The following TRPC5 variants were observed in gnomAD, a reference collection of about 807,000 sequenced individuals.
TRPC5 encodes transient receptor potential cation channel subfamily C member 5, also known as short transient receptor potential channel 5.
TRPC5 carries 9 observed loss-of-function variants against 56.5 expected under a neutral mutation model. The observed-to-expected ratio is 0.16, with a 90% confidence interval of 0.10 to 0.28. The LOEUF (loss-of-function observed/expected upper bound fraction) is 0.28, where lower values mean the gene tolerates loss of function less well. Among genes scored for constraint, TRPC5 ranks in the 10% least tolerant of loss-of-function variants. TRPC5 has a pLI of 1.00. For missense variants in TRPC5, 469 were observed against 748.9 expected, an observed-to-expected ratio of 0.63 and a Z score of 4.36; for synonymous variants, 282 against 278.5, an observed-to-expected ratio of 1.01 and a Z score of -0.13.
intron 6 of TRPC5, among the ~76,000 whole-genome samples, chrX:111,842,371 C>G (rs999914754): frequency 2.7e-5 from 3 of 109,259 alleles, no homozygotes; most frequent in African/African-American, 1.0e-4. Flanking sequence ...CTCCTGACCT[C>G]AAGTGATCTG....
chrX:111,899,924 A>C (rs1268917053), intron 3 of TRPC5, among the ~76,000 whole-genome samples: 1 of 111,198 alleles, frequency 9.0e-6, no homozygotes, highest in East Asian at 2.8e-4. Context: ...AATTGCCTCC[A>C]ACAAAATCGT....
chrX:111,788,333 T>C (rs1186605468), intron 7 of TRPC5, among the ~76,000 whole-genome samples: 5 of 111,847 alleles, frequency 4.5e-5, no homozygotes, highest in South Asian at 3.7e-4. Flanking sequence ...TCTCAATAGA[T>C]GCAGAAAAGG....
chrX:111,866,461 GT>G (rs1235243849), intron 3 of TRPC5, among the ~76,000 whole-genome samples: 1 of 113,057 alleles, frequency 8.8e-6, no homozygotes, highest in Non-Finnish European at 1.9e-5. Flanking sequence ...CCTCACTGCA[GT>G]TGTTGATTGT....
chrX:112,023,759 C>T (rs769558400), intron 1 of TRPC5, among the ~76,000 whole-genome samples: 5 of 111,608 alleles, frequency 4.5e-5, no homozygotes, highest in Non-Finnish European at 7.5e-5. Context: ...TATAATCTGC[C>T]TCCATTTACA....
In TRPC5 at chrX:111,774,694, A is replaced by G. The variant is rs1945864472; in HGVS notation, c.*1619T>C. The G allele has an allele frequency of 9.0e-6, 1 of 111,327 alleles. No homozygotes were observed. Among genetic ancestry groups the G allele is most frequent in the African/African-American group, 3.3e-5 (1 of 30,616 alleles). The allele number at this position is 111,327 out of a possible 1,213,427, so 9.2% of individuals were successfully genotyped here. On this transcript the variant is annotated 3_prime_UTR_variant, in exon 11 of 11. Coordinates refer to ENST00000262839, the MANE Select transcript of TRPC5 (RefSeq NM_012471.3). The stretch of plus-strand genomic sequence containing the variant: ...AGATGGGAATCCATTCAAATAACAG[A>G]AACCACACTTATCAAAAGCTAGTTT...
intron 2 of TRPC5, among the ~76,000 whole-genome samples, chrX:111,928,540 T>A (rs1926321698): frequency 8.9e-6 from 1 of 112,137 alleles, no homozygotes; most frequent in Non-Finnish European, 1.9e-5. Flanking sequence ...GGCAGCTGCA[T>A]TGTCAATAGT....
At chrX:111,934,753 A>C (rs1926518233) in intron 2 of TRPC5, among the ~76,000 whole-genome samples, 1 of 111,812 alleles carries the variant, frequency 8.9e-6, no homozygotes, top group South Asian at 3.7e-4. Context: ...AATTCACTTA[A>C]CATAATGTCC....
intron 1 of TRPC5, among the ~76,000 whole-genome samples, chrX:112,018,063 T>G: frequency 8.9e-6 from 1 of 112,813 alleles, no homozygotes; most frequent in Non-Finnish European, 1.9e-5. Flanking sequence ...TACATTGAAA[T>G]AATTTCACTT....
chrX:111,781,368 T>C (rs974968261), intron 8 of TRPC5, among the ~76,000 whole-genome samples, 162 bp from the exon 9 acceptor site: 3 of 111,949 alleles, frequency 2.7e-5, no homozygotes, highest in Non-Finnish European at 3.8e-5. Context: ...AATGATTTTA[T>C]GATGTTTAAA....
chrX:112,030,905 A>G (rs751306509), intron 1 of TRPC5, among the ~76,000 whole-genome samples: 10 of 111,228 alleles, frequency 9.0e-5, no homozygotes, highest in African/African-American at 2.9e-4. Context: ...TTTTATATCT[A>G]TCTCACTTAA....
rs1922115463 is a variant in TRPC5 at position 111,824,130 on chromosome X, C to G, written c.1896+10791G>C. ...CCTGTGGTCCCAGCTACTCGGAAAG[C>G]TGAGGCTGGAGGATTACATGAGATG... On this transcript the variant is annotated intron_variant, in intron 7 of 10. Coordinates refer to ENST00000262839, the MANE Select transcript of TRPC5 (RefSeq NM_012471.3). Among the ~76,000 whole-genome samples, 5 of 108,053 alleles carry G rather than the reference C, an allele frequency of 4.6e-5. No individual in the cohort carries two copies. The South Asian group carries it at 2.1e-3, about 45-fold the overall frequency. The allele number at this position is 108,053 out of a possible 115,157, so 93.8% of individuals were successfully genotyped here.
chrX:111,818,682 C>A (rs1179548274), intron 7 of TRPC5, among the ~76,000 whole-genome samples: 1 of 105,975 alleles, frequency 9.4e-6, no homozygotes, highest in Non-Finnish European at 1.9e-5. Flanking sequence ...TGGCTCACTG[C>A]AACCTCCGCC....
chrX:112,025,628 C>T (rs1202004103), intron 1 of TRPC5, among the ~76,000 whole-genome samples: 3 of 111,389 alleles, frequency 2.7e-5, no homozygotes, highest in African/African-American at 6.5e-5. Flanking sequence ...TCACAAATTC[C>T]GCATCTCATT....
intron 1 of TRPC5, among the ~76,000 whole-genome samples, chrX:112,050,098 C>G (rs1930175900): frequency 8.9e-6 from 1 of 112,170 alleles, no homozygotes; most frequent in Admixed American, 9.4e-5. Flanking sequence ...ATTGCTTGAA[C>G]CCGGTAGGCG....
At position 111,963,022 on chromosome X, in the gene TRPC5, G is replaced by A. The variant is rs761641217; in HGVS notation, c.-21-10581C>T. Among the ~76,000 whole-genome samples the A allele has an allele frequency of 4.5e-5, 5 of 112,090 alleles. No homozygotes were observed. In the East Asian group the frequency reaches 1.1e-3, roughly 25 times the overall value. The stretch of plus-strand genomic sequence containing the variant: ...TACCATGTGCGAGCCGAAGCAGGGC[G>A]AGGCATTGCCTCACTCGGACAGCGC... On this transcript the variant is annotated intron_variant, in intron 1 of 10. Coordinates refer to ENST00000262839, the MANE Select transcript of TRPC5 (RefSeq NM_012471.3).
At chrX:111,861,144 A>G (rs1373524245) in intron 3 of TRPC5, among the ~76,000 whole-genome samples, 1 of 112,210 alleles carries the variant, frequency 8.9e-6, no homozygotes, top group Non-Finnish European at 1.9e-5. Flanking sequence ...GTTAACCTTA[A>G]TTTTAATGAA....
intron 1 of TRPC5, among the ~76,000 whole-genome samples, chrX:111,968,724 G>C (rs1448251449): frequency 9.7e-6 from 1 of 102,874 alleles, no homozygotes; most frequent in African/African-American, 3.6e-5. Context: ...CTATCGCAAG[G>C]ACAAAAAACC....
At chrX:111,971,025 G>A (rs1927770820) in intron 1 of TRPC5, among the ~76,000 whole-genome samples, 2 of 110,863 alleles carry the variant, frequency 1.8e-5, no homozygotes, top group African/African-American at 6.6e-5. Context: ...TGATCCGCCC[G>A]CCTCGGCCTC....
intron 3 of TRPC5, among the ~76,000 whole-genome samples, chrX:111,860,214 T>C (rs754718852): frequency 1.8e-5 from 2 of 112,648 alleles, no homozygotes; most frequent in Non-Finnish European, 1.9e-5. Flanking sequence ...GGCCTACTTA[T>C]AGCCAGTTTT....
Sources: allele counts gnomAD v4.1 joint callset (sites outside exome capture counted in the v4.1 genomes callset), GRCh38; gene constraint gnomAD v4.1.1; transcripts MANE v1.5; gene names NCBI Gene and HGNC (gene_info 2026-07-23, HGNC 2026-07-21).